LRRC7: variants seen among roughly 807,000 people sequenced by gnomAD.
LRRC7 encodes leucine-rich repeat-containing protein 7.
A neutral mutation model predicts 175.7 loss-of-function variants in LRRC7; 23 were observed. That is an observed-to-expected ratio of 0.13 (90% CI 0.09 to 0.19). The LOEUF (loss-of-function observed/expected upper bound fraction) is 0.19, where lower values mean the gene tolerates loss of function less well. Among genes scored for constraint, LRRC7 ranks in the 10% least tolerant of loss-of-function variants. The pLI is 1.00. For missense variants in LRRC7, 1,354 were observed against 1,904.7 expected, an observed-to-expected ratio of 0.71 and a Z score of 5.38; for synonymous variants, 685 against 680.9, an observed-to-expected ratio of 1.01 and a Z score of -0.09.
At chr1:70,056,881 CG>C (rs886836182) in intron 23 of LRRC7, among the ~76,000 whole-genome samples, 41 of 152,116 alleles carry the variant, frequency 2.7e-4, no homozygotes, top group Middle Eastern at 3.4e-3. Context: ...AAGGAGGGAA[CG>C]GTCAACTGTC....
intron 24 of LRRC7, among the ~76,000 whole-genome samples, chr1:70,083,637 G>GA (rs1301524060): frequency 6.6e-6 from 1 of 152,082 alleles, no homozygotes; most frequent in Non-Finnish European, 1.5e-5. Context: ...GCTACTTGTT[G>GA]ACATCTCATC....
chr1:69,953,784 G>A (rs776129451), intron 8 of LRRC7, among the ~76,000 whole-genome samples: 17 of 151,984 alleles, frequency 1.1e-4, no homozygotes, highest in African/African-American at 2.9e-4. Flanking sequence ...AGAAGCATCC[G>A]CAGATTACCA....
intron 1 of LRRC7, among the ~76,000 whole-genome samples, chr1:69,628,597 C>T (rs1194522722): frequency 1.3e-5 from 2 of 152,144 alleles, no homozygotes; most frequent in East Asian, 1.9e-4. Context: ...AATATCATCA[C>T]GTTCTTTTGT....
Position 69,762,091 on chromosome 1 carries a change from T to A in LRRC7, c.303+1698T>A, listed in dbSNP as rs545841959. On this transcript the variant is annotated intron_variant, in intron 3 of 26. Coordinates refer to ENST00000651989, the MANE Select transcript of LRRC7 (RefSeq NM_001370785.2). The stretch of plus-strand genomic sequence containing the variant: ...ATGGGATACATTTACACTAAAAAAA[T>A]TTTTTTTATTTACATGATGTTCAAA... 5.0e-3 allele frequency among the ~76,000 whole-genome samples: 753 copies of A among 151,956 alleles called. 16 individuals are homozygous for A. The highest frequency in any genetic ancestry group is 4.8e-3 in the Non-Finnish European group (323 of 67,928).
At chr1:69,571,768 A>T (rs1645747756) in intron 1 of LRRC7, among the ~76,000 whole-genome samples, 1 of 152,134 alleles carries the variant, frequency 6.6e-6, no homozygotes, top group Admixed American at 6.5e-5. Flanking sequence ...CGAGATTATA[A>T]CTTCATTGCT....
chr1:69,973,637 C>A (rs139205162), intron 8 of LRRC7, among the ~76,000 whole-genome samples: 1,781 of 152,222 alleles, frequency 0.012, 22 homozygotes, highest in Non-Finnish European at 0.014. Flanking sequence ...CTCTGTTGCC[C>A]AGGCTGGAGT....
intron 7 of LRRC7, chr1:69,873,537 T>C: frequency 1.9e-6 from 1 of 525,108 alleles, no homozygotes; most frequent in Non-Finnish European, 3.9e-6. Context: ...CAACAGAGGA[T>C]GTGGAGGGAG....
chr1:69,710,473 G>T (rs1664628335), intron 2 of LRRC7, among the ~76,000 whole-genome samples: 1 of 152,042 alleles, frequency 6.6e-6, no homozygotes, highest in African/African-American at 2.4e-5. Flanking sequence ...CAGATTTGGA[G>T]ATGGGTGCAT....
Position 70,020,995 on chromosome 1 carries a change from C to CT in LRRC7, c.1421-9dup, listed in dbSNP as rs574616055. On this transcript the variant is annotated splice_polypyrimidine_tract_variant and intron_variant, in intron 15 of 26. Coordinates refer to ENST00000651989, the MANE Select transcript of LRRC7 (RefSeq NM_001370785.2). ...TAAAAAAACAATAATACTTTGGAAT[C>CT]TAACTGTAGATTTCCAGTCAGACAG... is the stretch of plus-strand genomic sequence containing the variant. 1.9e-6 allele frequency: 3 copies of CT among 1,593,640 alleles called. No homozygotes were observed. Among genetic ancestry groups the CT allele is most frequent in the Non-Finnish European group, 2.6e-6 (3 of 1,172,330 alleles).
chr1:69,789,377 A>G (rs1339557050), intron 3 of LRRC7, among the ~76,000 whole-genome samples: 1 of 151,142 alleles, frequency 6.6e-6, no homozygotes, highest in Non-Finnish European at 1.5e-5. Context: ...CCATGTGACC[A>G]CTAACAGTTT....
At chr1:69,760,904 G>T (rs1670967721) in intron 3 of LRRC7, among the ~76,000 whole-genome samples, 1 of 151,634 alleles carries the variant, frequency 6.6e-6, no homozygotes. Context: ...GATGTATGTG[G>T]CATAAAACTA....
intron 4 of LRRC7, among the ~76,000 whole-genome samples, chr1:69,816,838 ACT>A (rs1160418982): frequency 4.6e-5 from 7 of 151,566 alleles, no homozygotes; most frequent in Non-Finnish European, 7.4e-5. Flanking sequence ...CAACTATTCT[ACT>A]CTGTTTCTAA....
At chr1:69,797,421 A>T (rs1344236170) in intron 4 of LRRC7, among the ~76,000 whole-genome samples, 2 of 152,154 alleles carry the variant, frequency 1.3e-5, no homozygotes, top group African/African-American at 4.8e-5. Context: ...AAGTATTGAA[A>T]CCCAAATTCA....
chr1:69,771,450 A>G lies in LRRC7; in HGVS notation c.303+11057A>G, dbSNP rs544770260. On this transcript the variant is annotated intron_variant, in intron 3 of 26. Transcript: ENST00000651989. ...TCCCAGTCATTTTTTGAGCAGTTTT[A>G]TAATCTTCTACAAGTTTATAATGAG... Among the ~76,000 whole-genome samples, 7 of 152,306 alleles carry G rather than the reference A, an allele frequency of 4.6e-5. No individual in the cohort carries two copies. In the South Asian group the frequency reaches 6.2e-4, roughly 14 times the overall value.
In LRRC7 at chr1:70,144,053, A is replaced by G. The variant is rs914110140; in HGVS notation, c.*22166A>G. ...TTTTATGTGCAAAGAAGTCCTATGA[A>G]TCTATATTTTAAATTTACTGAACCA... On this transcript the variant is annotated 3_prime_UTR_variant, in exon 27 of 27. Transcript: ENST00000651989. 1.3e-5 allele frequency: 2 copies of G among 152,210 alleles called. No homozygotes were observed. The allele number at this position is 152,210 out of a possible 1,614,324, so 9.4% of individuals were successfully genotyped here. A position where few individuals can be genotyped will look rare whatever the true frequency, so the allele number is the denominator to read the frequency against.
intron 2 of LRRC7, among the ~76,000 whole-genome samples, chr1:69,708,919 C>G (rs1177840314): frequency 6.6e-6 from 1 of 152,148 alleles, no homozygotes; most frequent in African/African-American, 2.4e-5. Context: ...TTGACTAAAG[C>G]AAGTCACAAA....
chr1:69,737,370 T>A (rs1007723294), intron 2 of LRRC7, among the ~76,000 whole-genome samples: 1 of 152,138 alleles, frequency 6.6e-6, no homozygotes, highest in African/African-American at 2.4e-5. Context: ...ATGGAAGACA[T>A]GCCTTTGCTC....
intron 23 of LRRC7, among the ~76,000 whole-genome samples, chr1:70,061,705 A>T (rs1400920741): frequency 6.6e-6 from 1 of 152,192 alleles, no homozygotes; most frequent in African/African-American, 2.4e-5. Flanking sequence ...GTGGAAAAGT[A>T]GGAAGATATC....
chr1:70,051,441 A>G (rs966281748), intron 22 of LRRC7, among the ~76,000 whole-genome samples: 1 of 152,088 alleles, frequency 6.6e-6, no homozygotes, highest in Non-Finnish European at 1.5e-5. Flanking sequence ...ATATTTTAAT[A>G]TCTAGAAAAA....
Sources: allele counts gnomAD v4.1 joint callset (sites outside exome capture counted in the v4.1 genomes callset), GRCh38; gene constraint gnomAD v4.1.1; transcripts MANE v1.5; gene names NCBI Gene and HGNC (gene_info 2026-07-23, HGNC 2026-07-21).